DOK6: variants seen among roughly 807,000 people sequenced by gnomAD.
DOK6 encodes downstream of tyrosine kinase 6.
A neutral mutation model predicts 44.0 loss-of-function variants in DOK6; 22 were observed. That is an observed-to-expected ratio of 0.50 (90% CI 0.36 to 0.71). The LOEUF is 0.71. Ranked by LOEUF, DOK6 falls within the 30% of genes least tolerant of loss-of-function variation. The pLI is 0.00. For synonymous variants in DOK6, 166 were observed against 145.5 expected, an observed-to-expected ratio of 1.14 and a Z score of -1.01; for missense variants, 340 against 416.4, an observed-to-expected ratio of 0.82 and a Z score of 1.60.
rs1985467618 is a variant in DOK6, at chr18:69,659,838, CAT to C, written c.290-17891_290-17890del. 6.9e-5 allele frequency: 3 copies of C among 43,754 alleles called. 1 individual carries two copies. The highest frequency in any genetic ancestry group is 1.1e-3 in the South Asian group (1 of 884). 2.7% of individuals were successfully genotyped at this position (43,754 alleles called of 1,614,324 possible). A position where few individuals can be genotyped will look rare whatever the true frequency, so the allele number is the denominator to read the frequency against. On this transcript the variant is annotated intron_variant, in intron 3 of 7. Transcript: ENST00000382713. ...TTTTTTTTGTTATATATATATATAA[CAT>C]ATATGTATGTTATATATATATATAT...
intron 2 of DOK6, among the ~76,000 whole-genome samples, chr18:69,566,868 G>A (rs1982996322): frequency 6.6e-6 from 1 of 152,180 alleles, no homozygotes; most frequent in African/African-American, 2.4e-5. Flanking sequence ...TGAAGAGAAA[G>A]GGTCATCTCT....
At chr18:69,767,510 T>C (rs1298977729) in intron 7 of DOK6, among the ~76,000 whole-genome samples, 3 of 149,982 alleles carry the variant, frequency 2.0e-5, no homozygotes, top group Non-Finnish European at 3.0e-5. Context: ...GCAGAACTCA[T>C]GGAAGGACTG....
intron 1 of DOK6, among the ~76,000 whole-genome samples, chr18:69,434,170 G>C (rs1012057866): frequency 1.3e-5 from 2 of 152,188 alleles, no homozygotes. Flanking sequence ...TAGAAGCAAG[G>C]CTGACAGTCA....
intron 1 of DOK6, among the ~76,000 whole-genome samples, chr18:69,409,970 T>C (rs1323347198): frequency 6.6e-6 from 1 of 152,184 alleles, no homozygotes; most frequent in Non-Finnish European, 1.5e-5. Context: ...CATTTTACTC[T>C]TGCTTTCATA....
At position 69,785,172 on chromosome 18, in the gene DOK6, T is replaced by A. The variant is rs553475906; in HGVS notation, c.856+27299T>A. 5.3e-5 allele frequency among the ~76,000 whole-genome samples: 8 copies of A among 152,302 alleles called. No individual in the cohort carries two copies. The South Asian group carries it at 1.5e-3, about 28-fold the overall frequency. On this transcript the variant is annotated intron_variant, in intron 7 of 7. Coordinates refer to ENST00000382713, the MANE Select transcript of DOK6 (RefSeq NM_152721.6). Reference sequence around the variant, plus strand: ...TGTAATGACAGCCCAACATCAGCAATGTTCTGTTAATATAGTAAAGAAGAT... The same window carrying A: ...TGTAATGACAGCCCAACATCAGCAAAGTTCTGTTAATATAGTAAAGAAGAT...
chr18:69,748,770 C>G (rs965320733), intron 6 of DOK6, among the ~76,000 whole-genome samples: 6 of 152,106 alleles, frequency 3.9e-5, no homozygotes, highest in African/African-American at 7.2e-5. Flanking sequence ...GATCTAGAAC[C>G]AGAAATATCA....
intron 1 of DOK6, among the ~76,000 whole-genome samples, chr18:69,447,093 C>T (rs1979316950): frequency 1.3e-5 from 2 of 152,094 alleles, no homozygotes; most frequent in East Asian, 1.9e-4. Flanking sequence ...CTTTTGTTGC[C>T]ATTGCTTTTG....
chr18:69,753,182 G>A (rs910461469), intron 6 of DOK6, among the ~76,000 whole-genome samples: 15 of 152,256 alleles, frequency 9.9e-5, no homozygotes, highest in African/African-American at 2.9e-4. Context: ...TATCATCTAC[G>A]AATCTCAAAT....
chr18:69,406,736 G>T (rs180813357), intron 1 of DOK6, among the ~76,000 whole-genome samples: 1 of 152,250 alleles, frequency 6.6e-6, no homozygotes, highest in East Asian at 1.9e-4. Flanking sequence ...TTTCAAACAC[G>T]CACAGTAATG....
At chr18:69,494,270 G>A (rs1266986942) in intron 1 of DOK6, among the ~76,000 whole-genome samples, 4 of 152,164 alleles carry the variant, frequency 2.6e-5, no homozygotes, top group Non-Finnish European at 4.4e-5. Flanking sequence ...GAGGTCAGGA[G>A]TTTGAGACCA....
At chr18:69,654,267 T>C (rs1202566187) in intron 3 of DOK6, among the ~76,000 whole-genome samples, 1 of 152,240 alleles carries the variant, frequency 6.6e-6, no homozygotes, top group East Asian at 1.9e-4. Flanking sequence ...GAAAAAGAGA[T>C]TGTGTCAAGG....
rs567714561 is a variant in DOK6, at chr18:69,773,820, G to A, written c.856+15947G>A. Among the ~76,000 whole-genome samples the A allele has an allele frequency of 5.9e-5, 9 of 151,736 alleles. No individual in the cohort carries two copies. The South Asian group carries it at 1.9e-3, about 32-fold the overall frequency. On this transcript the variant is annotated intron_variant, in intron 7 of 7. Transcript: ENST00000382713. ...ATGTGTTAAGACTCTTGGTGGGAAT[G>A]TAAACTAATACAACCACTATGGAAA...
At chr18:69,649,659 A>G (rs1305414072) in intron 3 of DOK6, among the ~76,000 whole-genome samples, 1 of 152,188 alleles carries the variant, frequency 6.6e-6, no homozygotes, top group African/African-American at 2.4e-5. Context: ...AATTAATGAG[A>G]TTAGTAAAGG....
At chr18:69,823,294 AGGAT>A (rs1194291821) in intron 7 of DOK6, among the ~76,000 whole-genome samples, 47 of 152,366 alleles carry the variant, frequency 3.1e-4, no homozygotes, top group African/African-American at 9.9e-4. Context: ...AGGTATGCAG[AGGAT>A]GCTAACAGAC....
intron 1 of DOK6, among the ~76,000 whole-genome samples, chr18:69,474,465 T>C (rs1980206710): frequency 6.6e-6 from 1 of 152,208 alleles, no homozygotes; most frequent in Admixed American, 6.5e-5. Flanking sequence ...TAAGAATTGT[T>C]CATTTTAGAC....
intron 1 of DOK6, among the ~76,000 whole-genome samples, chr18:69,524,660 T>C (rs1179588315): frequency 6.6e-6 from 1 of 152,004 alleles, no homozygotes; most frequent in African/African-American, 2.4e-5. Flanking sequence ...CAACTAAAAA[T>C]GTTCATTTGA....
At chr18:69,719,959 G>A (rs1986969565) in intron 5 of DOK6, among the ~76,000 whole-genome samples, 1 of 152,218 alleles carries the variant, frequency 6.6e-6, no homozygotes, top group African/African-American at 2.4e-5. Context: ...GGAAGCCAAG[G>A]CAGGCAGATC....
chr18:69,514,908 G>A (rs1293462025), intron 1 of DOK6, among the ~76,000 whole-genome samples: 1 of 151,386 alleles, frequency 6.6e-6, no homozygotes, highest in Non-Finnish European at 1.5e-5. Context: ...CTCACTCAGT[G>A]TTGTCTTCTG....
chr18:69,489,738 T>G (rs1980682771), intron 1 of DOK6, among the ~76,000 whole-genome samples: 1 of 152,208 alleles, frequency 6.6e-6, no homozygotes, highest in African/African-American at 2.4e-5. Flanking sequence ...CAGATTTTCA[T>G]GAATTTTGTA....
Sources: allele counts gnomAD v4.1 joint callset (sites outside exome capture counted in the v4.1 genomes callset), GRCh38; gene constraint gnomAD v4.1.1; transcripts MANE v1.5; gene names NCBI Gene and HGNC (gene_info 2026-07-23, HGNC 2026-07-21).